The following CLTC variants were observed in gnomAD, a reference collection of about 807,000 sequenced individuals.
CLTC encodes clathrin heavy chain, also known as clathrin heavy chain 1.
CLTC carries 16 observed loss-of-function variants against 195.8 expected under a neutral mutation model. The observed-to-expected ratio is 0.08, with a 90% CI of 0.06 to 0.12. The LOEUF is 0.12. Ranked by LOEUF, CLTC falls within the 10% of genes least tolerant of loss-of-function variation. The pLI is 1.00. For synonymous variants in CLTC, 667 were observed against 689.4 expected (o/e 0.97, Z 0.51); for missense variants, 796 against 2,027.0 (o/e 0.39, Z 11.66).
intron 5 of CLTC, among the ~76,000 whole-genome samples, chr17:59,651,875 ATT>A (rs947700064): frequency 6.6e-6 from 1 of 152,142 alleles, no homozygotes; most frequent in African/African-American, 2.4e-5. Flanking sequence ...TTCACAAAAG[ATT>A]TCTCTGTGCA....
intron 4 of CLTC, among the ~76,000 whole-genome samples, chr17:59,649,769 C>T (rs1418653407): frequency 2.6e-5 from 4 of 152,144 alleles, no homozygotes; most frequent in Admixed American, 6.5e-5. Context: ...GAGGATAATG[C>T]TACCAACACC....
At chr17:59,665,734 A>G (rs1422509809) in intron 10 of CLTC, among the ~76,000 whole-genome samples, 3 of 151,998 alleles carry the variant, frequency 2.0e-5, no homozygotes, top group Non-Finnish European at 4.4e-5. Context: ...CCAGCTACTC[A>G]GGAGCTGAGG....
chr17:59,620,824 C>G (rs776230921), intron 1 of CLTC, among the ~76,000 whole-genome samples: 7 of 152,126 alleles, frequency 4.6e-5, no homozygotes, highest in Non-Finnish European at 1.0e-4. Context: ...TTTCTTAGAG[C>G]TATGTCAATC....
chr17:59,626,868 A>G (rs1002271487), intron 1 of CLTC, among the ~76,000 whole-genome samples: 5 of 152,130 alleles, frequency 3.3e-5, no homozygotes, highest in Admixed American at 2.0e-4. Context: ...ATCTCCTTAA[A>G]TTAAGACATA....
chr17:59,659,920 TAAAC>T (rs901658782), intron 6 of CLTC, among the ~76,000 whole-genome samples: 1 of 152,216 alleles, frequency 6.6e-6, no homozygotes, highest in African/African-American at 2.4e-5. Flanking sequence ...GAGTATACCT[TAAAC>T]AACTTGCAAG....
intron 8 of CLTC, among the ~76,000 whole-genome samples, chr17:59,662,167 G>A (rs904184532): frequency 2.0e-5 from 3 of 151,934 alleles, no homozygotes; most frequent in African/African-American, 7.3e-5. Flanking sequence ...ATGAGATACT[G>A]TTTCCCAGAG....
Position 59,681,274 on chromosome 17 carries a change from A to G in CLTC, c.3066-21A>G, listed in dbSNP as rs775684723. 77 of 1,584,164 alleles carry G rather than the reference A, an allele frequency of 4.9e-5. No homozygotes were observed. Among genetic ancestry groups the G allele is most frequent in the Non-Finnish European group, 6.4e-5 (75 of 1,164,684 alleles). ...ATAAACTTAAAATATTGCATTTAAAATATTCTTTTTTTTCTTAAAGGAATC... is the reference window on the plus strand; with the variant it reads ...ATAAACTTAAAATATTGCATTTAAAGTATTCTTTTTTTTCTTAAAGGAATC... On this transcript the variant is annotated intron_variant, in intron 19 of 31. Transcript: ENST00000269122. The surrounding 1 kb of genome is among the most constrained non-coding windows in gnomAD (Gnocchi z 5.0).
At chr17:59,688,566 T>A (rs1163996118) in intron 30 of CLTC, among the ~76,000 whole-genome samples, 4 of 152,198 alleles carry the variant, frequency 2.6e-5, no homozygotes, top group African/African-American at 9.6e-5. Flanking sequence ...AAATTGAAAG[T>A]CCCTGTGCCA....
chr17:59,683,133 A>G lies in CLTC; in HGVS notation c.3912A>G (p.Glu1304=). The change falls in exon 25 of 32, where the codon GAA becomes GAG. Residue 1304 remains glutamate, a synonymous_variant. Coordinates refer to ENST00000269122, the MANE Select transcript of CLTC (RefSeq NM_004859.4). The surrounding 1 kb of genome is among the most constrained non-coding windows in gnomAD (Gnocchi z 6.1). ...GYFEELITML[E]AALGLERAHM... ...TTGAAGAGCTGATCACCATGTTGGA[A>G]GCAGCACTGGGACTTGAGCGAGCTC... The G allele has an allele frequency of 6.2e-7, 1 of 1,614,148 alleles. No individual in the cohort carries two copies. Among genetic ancestry groups the G allele is most frequent in the Non-Finnish European group, 8.5e-7 (1 of 1,180,002 alleles).
intron 1 of CLTC, among the ~76,000 whole-genome samples, chr17:59,635,798 C>A (rs2031842697): frequency 6.6e-6 from 1 of 152,184 alleles, no homozygotes; most frequent in Non-Finnish European, 1.5e-5. Context: ...TTTCCTGATT[C>A]CTTGATGTAT....
chr17:59,693,972 A>G lies in CLTC; in HGVS notation c.*120A>G. On this transcript the variant is annotated 3_prime_UTR_variant, in exon 32 of 32. Coordinates refer to ENST00000269122, the MANE Select transcript of CLTC (RefSeq NM_004859.4). The stretch of plus-strand genomic sequence containing the variant: ...TCTTGTAACCTTTATTTCATGAAGG[A>G]CTTCTTTTTGTTTCTAACTATAAAC... 1.9e-6 allele frequency: 2 copies of G among 1,066,076 alleles called. No homozygotes were observed. Among genetic ancestry groups the G allele is most frequent in the Non-Finnish European group, 2.5e-6 (2 of 789,216 alleles). 66.0% of individuals were successfully genotyped at this position (1,066,076 alleles called of 1,614,324 possible).
chr17:59,640,315 T>A (rs192874737), intron 1 of CLTC, among the ~76,000 whole-genome samples: 1 of 152,130 alleles, frequency 6.6e-6, no homozygotes, highest in Non-Finnish European at 1.5e-5. Context: ...AAAAGGAACA[T>A]CAGTAAGGAA....
At chr17:59,622,496 G>A (rs949899166) in intron 1 of CLTC, among the ~76,000 whole-genome samples, 11 of 152,102 alleles carry the variant, frequency 7.2e-5, no homozygotes, top group Non-Finnish European at 1.0e-4. Context: ...TCCCACCTCA[G>A]CATCCTGAGT....
intron 6 of CLTC, among the ~76,000 whole-genome samples, chr17:59,657,453 A>T (rs565869605): frequency 2.8e-4 from 42 of 152,254 alleles, no homozygotes; most frequent in African/African-American, 8.7e-4. Context: ...ATATTCAGTT[A>T]TGAGTGTCTT....
chr17:59,678,001 C>T (rs1008753120), intron 17 of CLTC, among the ~76,000 whole-genome samples: 2 of 152,172 alleles, frequency 1.3e-5, no homozygotes, highest in African/African-American at 4.8e-5. Flanking sequence ...ACCCCCTCCT[C>T]CCAGCCCCTG....
chr17:59,630,625 A>G (rs1026955276), intron 1 of CLTC, among the ~76,000 whole-genome samples: 22 of 152,108 alleles, frequency 1.4e-4, no homozygotes, highest in African/African-American at 5.3e-4. Context: ...TTTTGTCTCT[A>G]TGGATTTACC....
rs1375934202 is a variant in CLTC, at chr17:59,651,265, G to A, written c.744G>A (p.Val248=). The stretch of plus-strand genomic sequence containing the variant: ...ACCAGCCCTTTCCAAAGAAGGCAGT[G>A]GATGTCTTCTTTCCTCCAGAAGCAC... The part of the protein sequence containing the change: ...TGNQPFPKKA[V]DVFFPPEAQN... Residue 248 remains valine, a synonymous_variant, in exon 5 of 32, where the codon GTG becomes GTA. Transcript: ENST00000269122. 12 of 1,613,794 alleles carry A rather than the reference G, an allele frequency of 7.4e-6. No individual in the cohort carries two copies. The Admixed American group carries it at 2.0e-4, about 27-fold the overall frequency.
At chr17:59,665,145 A>T (rs2032699223) in intron 10 of CLTC, among the ~76,000 whole-genome samples, 1 of 151,856 alleles carries the variant, frequency 6.6e-6, no homozygotes, top group Non-Finnish European at 1.5e-5. Flanking sequence ...GGATAGCTTG[A>T]GCCTGGGAGG....
chr17:59,637,903 A>G (rs966574263), intron 1 of CLTC, among the ~76,000 whole-genome samples: 28 of 151,558 alleles, frequency 1.8e-4, no homozygotes, highest in African/African-American at 4.6e-4. Flanking sequence ...GCCACAGAGC[A>G]AGACCCTGTA....
Sources: allele counts gnomAD v4.1 joint callset (sites outside exome capture counted in the v4.1 genomes callset), GRCh38; gene constraint gnomAD v4.1.1; non-coding constraint Gnocchi (gnomAD v3.1); transcripts MANE v1.5; gene names NCBI Gene and HGNC (gene_info 2026-07-23, HGNC 2026-07-21).